The following LOC400499 variants were observed in gnomAD, a reference collection of about 807,000 sequenced individuals.
the LOC400499 span, among the ~76,000 whole-genome samples, chr16:11,474,986 T>G: frequency 2.6e-3 from 390 of 152,350 alleles, no homozygotes; most frequent in African/African-American, 9.0e-3. Flanking sequence ...TAGCTACAGA[T>G]AAAAGGTTAA....
At chr16:11,478,535 T>G in the LOC400499 span, 1 of 398,968 alleles carries the variant, frequency 2.5e-6, no homozygotes, top group Non-Finnish European at 4.4e-6. Context: ...GCTACCTTCA[T>G]GAGCTTGATG....
the LOC400499 span, among the ~76,000 whole-genome samples, chr16:11,517,314 T>A: frequency 6.6e-6 from 1 of 152,094 alleles, no homozygotes; most frequent in Non-Finnish European, 1.5e-5. Context: ...TGGGGAGCCT[T>A]CACTCTTTCA....
At chr16:11,433,536 AT>A in the LOC400499 span, among the ~76,000 whole-genome samples, 7 of 152,158 alleles carry the variant, frequency 4.6e-5, no homozygotes, top group Non-Finnish European at 8.8e-5. Flanking sequence ...AGAGCTCCTA[AT>A]CCCTTGGAAC....
chr16:11,430,898 C>G, the LOC400499 span: 1 of 397,076 alleles, frequency 2.5e-6, no homozygotes, highest in Non-Finnish European at 4.4e-6. Context: ...CATCCATACC[C>G]CTTTATCTAA....
chr16:11,515,682 A>G, the LOC400499 span, among the ~76,000 whole-genome samples: 1 of 140,142 alleles, frequency 7.1e-6, no homozygotes, highest in Admixed American at 7.4e-5. Flanking sequence ...AAGGAATTGG[A>G]GGAGAGGAAA....
the LOC400499 span, chr16:11,399,187 C>T: frequency 2.0e-6 from 2 of 984,412 alleles, no homozygotes; most frequent in East Asian, 2.3e-4. Context: ...CTCCCTCCGC[C>T]CCCTCCCGAG....
At chr16:11,483,983 G>C in the LOC400499 span, among the ~76,000 whole-genome samples, 2 of 145,668 alleles carry the variant, frequency 1.4e-5, no homozygotes, top group African/African-American at 5.0e-5. Context: ...AGGAGAAGCA[G>C]GAGGAAGGGA....
At chr16:11,430,461 G>A in the LOC400499 span, among the ~76,000 whole-genome samples, 3 of 152,142 alleles carry the variant, frequency 2.0e-5, no homozygotes, top group African/African-American at 7.2e-5. Context: ...TTGCACTCCA[G>A]CCTGGGGGAC....
chr16:11,466,066 G>A, the LOC400499 span, among the ~76,000 whole-genome samples: 1,013 of 152,284 alleles, frequency 6.7e-3, 13 homozygotes, highest in African/African-American at 0.023. Flanking sequence ...TATTAAACTA[G>A]CTGAATAAAT....
the LOC400499 span, chr16:11,469,713 C>G: frequency 2.0e-5 from 8 of 398,934 alleles, no homozygotes; most frequent in Non-Finnish European, 1.3e-5. Flanking sequence ...CACCTGTACC[C>G]TTCAGACACT....
At chr16:11,500,586 G>T in the LOC400499 span, among the ~76,000 whole-genome samples, 1 of 151,830 alleles carries the variant, frequency 6.6e-6, no homozygotes, top group Non-Finnish European at 1.5e-5. Flanking sequence ...GGATCACACA[G>T]GTGGGAGGCA....
chr16:11,486,179 GGCGGA>G, the LOC400499 span, among the ~76,000 whole-genome samples: 1 of 148,842 alleles, frequency 6.7e-6, no homozygotes, highest in Middle Eastern at 3.4e-3. Context: ...TGGGAGGGTG[GGCGGA>G]TAAATGATGG....
the LOC400499 span, among the ~76,000 whole-genome samples, chr16:11,379,307 C>T: frequency 6.6e-6 from 1 of 152,186 alleles, no homozygotes; most frequent in African/African-American, 2.4e-5. Context: ...ATCTGTTTCT[C>T]CTTTCATTCT....
chr16:11,514,316 A>C, the LOC400499 span: 35 of 398,908 alleles, frequency 8.8e-5, no homozygotes, highest in East Asian at 1.2e-3. Flanking sequence ...AGACCCCCTC[A>C]TGCCACGGCC....
the LOC400499 span, chr16:11,456,757 C>T: frequency 1.4e-5 from 19 of 1,391,656 alleles, no homozygotes; most frequent in Non-Finnish European, 1.7e-5. Flanking sequence ...GCCTAGCCAA[C>T]AAAAGGAAAA....
chr16:11,428,169 C>T, the LOC400499 span, among the ~76,000 whole-genome samples: 1 of 151,954 alleles, frequency 6.6e-6, no homozygotes, highest in Non-Finnish European at 1.5e-5. Context: ...TCATGCCTCC[C>T]CTTTGTGTTT....
the LOC400499 span, among the ~76,000 whole-genome samples, chr16:11,465,789 G>A: frequency 3.7e-5 from 5 of 136,808 alleles, no homozygotes; most frequent in African/African-American, 1.4e-4. Context: ...AGAGGGAAAA[G>A]AGAGAGGGGG....
the LOC400499 span, among the ~76,000 whole-genome samples, chr16:11,385,967 T>G: frequency 6.6e-6 from 1 of 151,914 alleles, no homozygotes; most frequent in Non-Finnish European, 1.5e-5. Flanking sequence ...GCCCAGAAGG[T>G]CAAAGCTATG....
At chr16:11,456,196 C>T in the LOC400499 span, among the ~76,000 whole-genome samples, 1 of 152,062 alleles carries the variant, frequency 6.6e-6, no homozygotes, top group Non-Finnish European at 1.5e-5. Context: ...AGGTGCCTGC[C>T]ACCACACATG....
Sources: gnomAD v4.1 joint callset for allele counts (sites outside exome capture counted in the v4.1 genomes callset) on GRCh38, gnomAD v4.1.1 for gene constraint, MANE v1.5 for transcripts.